PDZRN3: variants seen among roughly 807,000 people sequenced by gnomAD.
PDZRN3 encodes the protein PDZ domain containing ring finger 3.
A neutral mutation model predicts 85.7 loss-of-function variants in PDZRN3; 38 were observed. The observed-to-expected ratio is 0.44, with a 90% CI of 0.34 to 0.58. PDZRN3 has a LOEUF of 0.58. Ranked by LOEUF, PDZRN3 falls within the 20% of genes least tolerant of loss-of-function variation. PDZRN3 has a pLI of 0.01. For missense variants in PDZRN3, 1,629 were observed against 1,506.4 expected (o/e 1.08, Z -1.35); for synonymous variants, 759 against 638.0 (o/e 1.19, Z -2.86).
At chr3:73,541,438 T>C (rs1034102059) in intron 3 of PDZRN3, among the ~76,000 whole-genome samples, 1 of 152,214 alleles carries the variant, frequency 6.6e-6, no homozygotes, top group Non-Finnish European at 1.5e-5. Flanking sequence ...ATGAGTTATG[T>C]ACCATAATTA....
rs185897656 is a variant in PDZRN3 at position 73,587,338 on chromosome 3, T to A, written c.918+15016A>T. On this transcript the variant is annotated intron_variant, in intron 3 of 9. Coordinates refer to ENST00000263666, the MANE Select transcript of PDZRN3 (RefSeq NM_015009.3). ...TTTGTGAGTGCTGCACTGGGTCACA[T>A]ATAAAATGTATTTCTTACTGTAGGT... 8.5e-5 allele frequency among the ~76,000 whole-genome samples: 13 copies of A among 152,322 alleles called. No individual in the cohort carries two copies. In the East Asian group the frequency reaches 2.5e-3, roughly 29 times the overall value.
intron 3 of PDZRN3, among the ~76,000 whole-genome samples, chr3:73,434,847 T>C (rs1406943464): frequency 6.6e-6 from 1 of 152,220 alleles, no homozygotes; most frequent in African/African-American, 2.4e-5. Flanking sequence ...TCTTGCTGCC[T>C]TGCTTCTCTC....
At chr3:73,448,392 T>G (rs531132823) in intron 3 of PDZRN3, among the ~76,000 whole-genome samples, 1 of 152,352 alleles carries the variant, frequency 6.6e-6, no homozygotes, top group African/African-American at 2.4e-5. Flanking sequence ...TTTTACATTT[T>G]CACTTTTAAT....
rs1419506596 is a variant in PDZRN3 at position 73,602,562 on chromosome 3, A to G, written c.811-101T>C. ...AACAGTAATTGACTCTTGCTGTGTC[A>G]AGAGTGGCAATAGGGTAAAAGGTAT... On this transcript the variant is annotated intron_variant, in intron 2 of 9. Coordinates refer to ENST00000263666, the MANE Select transcript of PDZRN3 (RefSeq NM_015009.3). 4 of 686,872 alleles carry G rather than the reference A, an allele frequency of 5.8e-6. No individual in the cohort carries two copies. In the East Asian group the frequency reaches 1.0e-4, roughly 17 times the overall value. 42.5% of individuals were successfully genotyped at this position (686,872 alleles called of 1,614,324 possible). A position where few individuals can be genotyped will look rare whatever the true frequency, so the allele number is the denominator to read the frequency against.
At chr3:73,414,095 C>T (rs1013955197) in intron 3 of PDZRN3, among the ~76,000 whole-genome samples, 1 of 152,100 alleles carries the variant, frequency 6.6e-6, no homozygotes, top group African/African-American at 2.4e-5. Context: ...AAAAATAGTA[C>T]AGTTAAGACA....
intron 3 of PDZRN3, among the ~76,000 whole-genome samples, chr3:73,459,219 C>A (rs970536930): frequency 6.6e-6 from 1 of 152,046 alleles, no homozygotes; most frequent in Non-Finnish European, 1.5e-5. Flanking sequence ...GGGGAAACCA[C>A]CCCCATAATA....
At chr3:73,405,046 T>C (rs1193909915) in intron 3 of PDZRN3, among the ~76,000 whole-genome samples, 2 of 152,218 alleles carry the variant, frequency 1.3e-5, no homozygotes, top group African/African-American at 2.4e-5. Flanking sequence ...CTGCACTTAT[T>C]GAGTGACTAC....
intron 3 of PDZRN3, among the ~76,000 whole-genome samples, chr3:73,550,957 T>A (rs1701538311): frequency 6.6e-6 from 1 of 152,206 alleles, no homozygotes; most frequent in African/African-American, 2.4e-5. Flanking sequence ...ATGAGAGTTA[T>A]CAGAAAGAAA....
rs772512983 is a variant in PDZRN3 at position 73,383,380 on chromosome 3, C to T, written c.3186G>A (p.Ser1062=). The change falls in exon 10 of 10, where the codon TCG becomes TCA. Residue 1062 remains serine, a synonymous_variant. Coordinates refer to ENST00000263666, the MANE Select transcript of PDZRN3 (RefSeq NM_015009.3). ...DGTRVYNSFL[S]VTTV ...GAAGTGAAAATTATACAGTAGTCAC[C>T]GATAGGAAGGAATTGTATACTCTAG... is the stretch of plus-strand genomic sequence containing the variant. The T allele has an allele frequency of 1.7e-5, 28 of 1,608,824 alleles. No homozygotes were observed. Among genetic ancestry groups the T allele is most frequent in the South Asian group, 8.9e-5 (8 of 89,922 alleles).
intron 3 of PDZRN3, among the ~76,000 whole-genome samples, chr3:73,601,234 A>G (rs1200096058): frequency 6.6e-6 from 1 of 152,232 alleles, no homozygotes; most frequent in Non-Finnish European, 1.5e-5. Flanking sequence ...TCCTTTCCCC[A>G]GGAGAAGCCT....
chr3:73,403,592 C>T (rs183131618), intron 4 of PDZRN3, among the ~76,000 whole-genome samples: 76 of 152,258 alleles, frequency 5.0e-4, no homozygotes, highest in African/African-American at 1.6e-3. Flanking sequence ...GACTCTTTAT[C>T]GCTGGCAGAA....
chr3:73,602,564 G>A lies in PDZRN3; in HGVS notation c.811-103C>T, dbSNP rs1702531161. The stretch of plus-strand genomic sequence containing the variant: ...CAGTAATTGACTCTTGCTGTGTCAA[G>A]AGTGGCAATAGGGTAAAAGGTATTT... On this transcript the variant is annotated intron_variant, in intron 2 of 9. Coordinates refer to ENST00000263666, the MANE Select transcript of PDZRN3 (RefSeq NM_015009.3). The A allele has an allele frequency of 4.4e-6, 3 of 683,532 alleles. No homozygotes were observed. In the South Asian group the frequency reaches 5.2e-5, roughly 12 times the overall value. 42.3% of individuals were successfully genotyped at this position (683,532 alleles called of 1,614,324 possible). A position where few individuals can be genotyped will look rare whatever the true frequency, so the allele number is the denominator to read the frequency against.
chr3:73,505,556 C>G (rs1167942834), intron 3 of PDZRN3, among the ~76,000 whole-genome samples: 1 of 152,148 alleles, frequency 6.6e-6, no homozygotes. Context: ...TTCAAATTGT[C>G]TACCTTGTGG....
intron 3 of PDZRN3, among the ~76,000 whole-genome samples, chr3:73,416,875 G>GTTTTTTTTTTTTTTTTT (rs1491373717): frequency 2.5e-5 from 1 of 40,750 alleles, no homozygotes; most frequent in African/African-American, 7.3e-5. Flanking sequence ...GTTTTTTTTT[G>GTTTTTTTTTTTTTTTTT]GTTTTTTTTT....
At chr3:73,460,391 G>C (rs912124558) in intron 3 of PDZRN3, among the ~76,000 whole-genome samples, 3 of 152,116 alleles carry the variant, frequency 2.0e-5, no homozygotes, top group Non-Finnish European at 4.4e-5. Context: ...ATGGCTAAAA[G>C]TCAGTACAGA....
intron 5 of PDZRN3, among the ~76,000 whole-genome samples, chr3:73,396,219 CAAACA>C (rs1306037127): frequency 6.8e-6 from 1 of 146,930 alleles, no homozygotes; most frequent in African/African-American, 2.5e-5. Flanking sequence ...AGTCTCAAAA[CAAACA>C]AAAAAAAAAG....
intron 3 of PDZRN3, among the ~76,000 whole-genome samples, chr3:73,415,059 C>T (rs1219858937): frequency 6.6e-6 from 1 of 152,174 alleles, no homozygotes; most frequent in African/African-American, 2.4e-5. Context: ...TCTCCATGCT[C>T]AGCACACGGC....
chr3:73,458,802 C>T (rs1446415154), intron 3 of PDZRN3, among the ~76,000 whole-genome samples: 2 of 151,284 alleles, frequency 1.3e-5, no homozygotes, highest in African/African-American at 4.9e-5. Flanking sequence ...CCAGCATGGC[C>T]AATATGGTGA....
chr3:73,413,638 C>T (rs549967307), intron 3 of PDZRN3, among the ~76,000 whole-genome samples: 33 of 152,206 alleles, frequency 2.2e-4, no homozygotes, highest in Middle Eastern at 3.4e-3. Flanking sequence ...GCAGCACAGC[C>T]GGCAGTGCTG....
Sources: gnomAD v4.1 joint callset for allele counts (sites outside exome capture counted in the v4.1 genomes callset) on GRCh38, gnomAD v4.1.1 for gene constraint, MANE v1.5 for transcripts, NCBI Gene and HGNC (gene_info 2026-07-23, HGNC 2026-07-21) for gene names.